The following SPAG6 variants were observed in gnomAD, a reference collection of about 807,000 sequenced individuals.
SPAG6 encodes sperm associated antigen 6, also known as sperm-associated antigen 6.
Under a neutral mutation model 58.5 loss-of-function variants are expected in SPAG6, and 49 were observed. That is an observed-to-expected ratio of 0.84 (90% CI 0.67 to 1.06). SPAG6 has a LOEUF of 1.06. Ranked by LOEUF, SPAG6 falls within the 50% of genes least tolerant of loss-of-function variation. The pLI, the probability that SPAG6 is intolerant of heterozygous loss-of-function variation, is 0.00. For synonymous variants in SPAG6, 233 were observed against 225.6 expected (o/e 1.03, Z -0.29); for missense variants, 560 against 611.3 (o/e 0.92, Z 0.89).
intron 7 of SPAG6, 57 bp from the exon 8 acceptor site, chr10:22,391,672 A>G: frequency 6.8e-7 from 1 of 1,480,952 alleles, no homozygotes; most frequent in South Asian, 1.2e-5. Context: ...GAGACATGGA[A>G]GACTCTTTAA....
chr10:22,348,589 G>C (rs920174769), intron 2 of SPAG6, among the ~76,000 whole-genome samples: 6 of 152,134 alleles, frequency 3.9e-5, no homozygotes, highest in African/African-American at 1.2e-4. Context: ...TGGGTATCAT[G>C]ATCAAACCAG....
At chr10:22,386,428 A>G (rs542321899) in intron 4 of SPAG6, among the ~76,000 whole-genome samples, 2 of 152,048 alleles carry the variant, frequency 1.3e-5, no homozygotes, top group African/African-American at 2.4e-5. Flanking sequence ...ATGCTTGTCT[A>G]TTGAGAAGTG....
intron 2 of SPAG6, among the ~76,000 whole-genome samples, chr10:22,359,714 A>G (rs1836979707): frequency 6.6e-6 from 1 of 152,232 alleles, no homozygotes; most frequent in Admixed American, 6.5e-5. Flanking sequence ...CACAATAAAA[A>G]AATTTTAAAA....
chr10:22,352,529 T>G (rs960010205), intron 2 of SPAG6, among the ~76,000 whole-genome samples: 2 of 152,238 alleles, frequency 1.3e-5, no homozygotes, highest in African/African-American at 4.8e-5. Context: ...ATTTGTTTAT[T>G]TATTTGAGAC....
intron 10 of SPAG6, chr10:22,412,492 T>TGA: frequency 6.5e-7 from 1 of 1,530,068 alleles, no homozygotes; most frequent in Non-Finnish European, 8.8e-7. Context: ...AGGAAGTTTA[T>TGA]GAGAACTCCT....
At chr10:22,386,613 G>A (rs1043205399) in intron 4 of SPAG6, 141 bp from the exon 5 acceptor site, 3 of 662,582 alleles carry the variant, frequency 4.5e-6, no homozygotes, top group African/African-American at 3.6e-5. Context: ...ATGAAACCAG[G>A]AAGCCTGATT....
intron 2 of SPAG6, among the ~76,000 whole-genome samples, chr10:22,353,497 G>A (rs997671731): frequency 1.3e-5 from 2 of 152,204 alleles, no homozygotes; most frequent in Non-Finnish European, 2.9e-5. Context: ...TGCTACGCAC[G>A]TACCTGACTT....
At chr10:22,399,567 T>C (rs1422594677) in intron 8 of SPAG6, among the ~76,000 whole-genome samples, 1 of 152,324 alleles carries the variant, frequency 6.6e-6, no homozygotes, top group East Asian at 1.9e-4. Flanking sequence ...CTGGATAATA[T>C]AGCTGATTAT....
chr10:22,368,363 TC>T, intron 3 of SPAG6, 131 bp from the exon 4 acceptor site: 1 of 641,050 alleles, frequency 1.6e-6, no homozygotes, highest in African/African-American at 1.8e-5. Context: ...AGGATGTTTT[TC>T]ATCTTTTATA....
At chr10:22,352,131 A>C (rs973424068) in intron 2 of SPAG6, among the ~76,000 whole-genome samples, 3 of 152,070 alleles carry the variant, frequency 2.0e-5, no homozygotes, top group Non-Finnish European at 1.5e-5. Context: ...ACTGTGCTCC[A>C]GCCTGGGCGA....
chr10:22,365,964 G>A (rs1403734787), intron 3 of SPAG6, among the ~76,000 whole-genome samples: 1 of 152,164 alleles, frequency 6.6e-6, no homozygotes, highest in African/African-American at 2.4e-5. Flanking sequence ...TACATTGCTG[G>A]TAGGAATGTA....
chr10:22,405,873 T>C (rs2130629289), intron 9 of SPAG6, among the ~76,000 whole-genome samples: 1 of 152,350 alleles, frequency 6.6e-6, no homozygotes, highest in African/African-American at 2.4e-5. Context: ...TGGGAGAGTG[T>C]ATGTGTCGAG....
chr10:22,345,986 A>T lies in SPAG6; in HGVS notation c.121+168A>T. 1 of 1,548,626 alleles carries T rather than the reference A, an allele frequency of 6.5e-7. No homozygotes were observed. The highest frequency in any genetic ancestry group is 8.7e-7 in the Non-Finnish European group (1 of 1,146,136). ...CTTTGGGGGTCAGGCCGAGAGGGTG[A>T]AGCTTCCAGATGGTTGTGGGAGGTG... On this transcript the variant is annotated intron_variant, in intron 2 of 10. Coordinates refer to ENST00000376624, the MANE Select transcript of SPAG6 (RefSeq NM_012443.4). The surrounding 1 kb of genome is among the most constrained non-coding windows in gnomAD (Gnocchi z 6.3).
chr10:22,387,692 G>A, intron 5 of SPAG6, 131 bp from the exon 6 acceptor site: 1 of 814,296 alleles, frequency 1.2e-6, no homozygotes, highest in Non-Finnish European at 1.8e-6. Context: ...ATCTTAGGCT[G>A]TTTAGGCATG....
chr10:22,374,649 A>T (rs1388583427), intron 4 of SPAG6, among the ~76,000 whole-genome samples: 1 of 149,742 alleles, frequency 6.7e-6, no homozygotes, highest in Non-Finnish European at 1.5e-5. Flanking sequence ...TGTGGTGTGC[A>T]CCTGTGGTCT....
At chr10:22,366,347 C>G (rs1032139743) in intron 3 of SPAG6, among the ~76,000 whole-genome samples, 1 of 152,110 alleles carries the variant, frequency 6.6e-6, no homozygotes, top group African/African-American at 2.4e-5. Flanking sequence ...TATGAACTAT[C>G]CAGAATATGT....
intron 4 of SPAG6, among the ~76,000 whole-genome samples, chr10:22,384,301 CT>C (rs1175764363): frequency 2.0e-5 from 3 of 152,308 alleles, no homozygotes; most frequent in African/African-American, 7.2e-5. Flanking sequence ...TTCCAGCTGA[CT>C]TCTGCTTAGG....
At chr10:22,399,115 G>A (rs1588554931) in intron 8 of SPAG6, among the ~76,000 whole-genome samples, 1 of 152,132 alleles carries the variant, frequency 6.6e-6, no homozygotes, top group Non-Finnish European at 1.5e-5. Context: ...CACCGCGCCT[G>A]GCTGAGTTTA....
intron 4 of SPAG6, among the ~76,000 whole-genome samples, chr10:22,370,858 T>C (rs576570869): frequency 6.3e-4 from 96 of 151,684 alleles, no homozygotes; most frequent in African/African-American, 2.2e-3. Context: ...ATTTAGTAAG[T>C]TTTTTTTTAA....
Sources: gnomAD v4.1 joint callset for allele counts (sites outside exome capture counted in the v4.1 genomes callset) on GRCh38, gnomAD v4.1.1 for gene constraint, Gnocchi (gnomAD v3.1) non-coding constraint, MANE v1.5 for transcripts, NCBI Gene and HGNC (gene_info 2026-07-23, HGNC 2026-07-21) for gene names.